PLPPR5: variants seen among roughly 807,000 people sequenced by gnomAD.
PLPPR5 encodes the protein phospholipid phosphatase-related protein type 5.
A neutral mutation model predicts 33.9 loss-of-function variants in PLPPR5; 16 were observed. The ratio of observed to expected loss-of-function variants is 0.47; its 90% CI spans 0.32 to 0.72. The LOEUF (loss-of-function observed/expected upper bound fraction) is 0.72. Ranked by LOEUF, PLPPR5 falls within the 30% of genes least tolerant of loss-of-function variation. The pLI is 0.03. For missense variants in PLPPR5, 301 were observed against 406.7 expected (o/e 0.74, Z 2.23); for synonymous variants, 163 against 150.3 (o/e 1.08, Z -0.62).
chr1:98,943,706 GA>G (rs1650459327), intron 3 of PLPPR5, among the ~76,000 whole-genome samples: 1 of 152,192 alleles, frequency 6.6e-6, no homozygotes, highest in Non-Finnish European at 1.5e-5. Flanking sequence ...TTATTGAAGG[GA>G]GGATAGTGAA....
At chr1:98,986,008 T>C (rs1652248403) in intron 1 of PLPPR5, among the ~76,000 whole-genome samples, 2 of 152,102 alleles carry the variant, frequency 1.3e-5, no homozygotes, top group African/African-American at 4.8e-5. Flanking sequence ...TGAAGTATAA[T>C]TGTTAAGAAT....
chr1:98,964,127 G>A (rs1651350910), intron 1 of PLPPR5, among the ~76,000 whole-genome samples: 1 of 152,196 alleles, frequency 6.6e-6, no homozygotes. Context: ...TCCCCGCTGG[G>A]AGTGGAAAAT....
intron 3 of PLPPR5, 53 bp from the exon 4 acceptor site, chr1:98,922,111 G>A: frequency 4.6e-6 from 7 of 1,514,674 alleles, no homozygotes; most frequent in Non-Finnish European, 6.4e-6. Context: ...TCCTTTATTA[G>A]CATAGCATAT....
At chr1:98,960,931 C>T (rs1026928733) in intron 1 of PLPPR5, among the ~76,000 whole-genome samples, 1 of 152,186 alleles carries the variant, frequency 6.6e-6, no homozygotes, top group African/African-American at 2.4e-5. Context: ...TGAACCTAAT[C>T]TTCTGAAACA....
At chr1:98,953,426 A>G in intron 2 of PLPPR5, 106 bp from the exon 3 acceptor site, 1 of 1,434,660 alleles carries the variant, frequency 7.0e-7, no homozygotes, top group Non-Finnish European at 9.3e-7. Context: ...CAAAATGGAA[A>G]TATTTTAGAA....
intron 3 of PLPPR5, among the ~76,000 whole-genome samples, chr1:98,923,672 G>A (rs532793346): frequency 6.6e-6 from 1 of 152,260 alleles, no homozygotes; most frequent in African/African-American, 2.4e-5. Context: ...GGGGCAGGGG[G>A]AGCTGAACTG....
At chr1:98,930,836 AT>A (rs1458436963) in intron 3 of PLPPR5, among the ~76,000 whole-genome samples, 2 of 151,936 alleles carry the variant, frequency 1.3e-5, no homozygotes, top group African/African-American at 2.4e-5. Flanking sequence ...AACTCCTTTA[AT>A]TTTCATTCAA....
intron 1 of PLPPR5, among the ~76,000 whole-genome samples, chr1:98,971,463 T>C (rs1651657732): frequency 1.3e-5 from 2 of 152,044 alleles, no homozygotes; most frequent in African/African-American, 4.8e-5. Flanking sequence ...TTTTATCTGA[T>C]TTCCCCTCCC....
At chr1:98,948,824 A>G (rs1401971478) in intron 3 of PLPPR5, among the ~76,000 whole-genome samples, 1 of 152,152 alleles carries the variant, frequency 6.6e-6, no homozygotes, top group African/African-American at 2.4e-5. Flanking sequence ...CTAGCAGGAA[A>G]ACTGCAAGTC....
In PLPPR5 at chr1:98,892,752, T is replaced by G. The variant is rs1156663183; in HGVS notation, c.*320A>C. On this transcript the variant is annotated 3_prime_UTR_variant, in exon 6 of 6. Transcript: ENST00000263177. The stretch of plus-strand genomic sequence containing the variant: ...TATGTAGAGATTTCTTTTAACATAA[T>G]TGCAATGATTCTGTGAGAAACTAAA... 4.0e-6 allele frequency: 1 copy of G among 250,890 alleles called. No individual in the cohort carries two copies. Among genetic ancestry groups the G allele is most frequent in the African/African-American group, 2.3e-5 (1 of 43,936 alleles). 15.5% of individuals were successfully genotyped at this position (250,890 alleles called of 1,614,324 possible).
At chr1:98,988,421 G>A (rs1357792211) in intron 1 of PLPPR5, among the ~76,000 whole-genome samples, 2 of 152,016 alleles carry the variant, frequency 1.3e-5, no homozygotes, top group Non-Finnish European at 2.9e-5. Flanking sequence ...TACTATACCT[G>A]TTATTAGGTT....
intron 1 of PLPPR5, among the ~76,000 whole-genome samples, chr1:98,974,230 T>C (rs1248124351): frequency 6.6e-6 from 1 of 151,940 alleles, no homozygotes; most frequent in East Asian, 1.9e-4. Flanking sequence ...GGGACAGACT[T>C]TCAAGACAGG....
intron 3 of PLPPR5, among the ~76,000 whole-genome samples, chr1:98,925,030 G>C (rs1338527552): frequency 1.3e-5 from 2 of 152,152 alleles, no homozygotes; most frequent in Non-Finnish European, 2.9e-5. Flanking sequence ...GCTTTCACTT[G>C]TACTCAGCAA....
chr1:98,929,753 C>A (rs72730328), intron 3 of PLPPR5, among the ~76,000 whole-genome samples: 26,371 of 152,132 alleles, frequency 0.17, 2,545 homozygotes, highest in Non-Finnish European at 0.22. Flanking sequence ...ATGACTCCCC[C>A]CTGACCCAAT....
chr1:98,979,859 G>A (rs1651994126), intron 1 of PLPPR5, among the ~76,000 whole-genome samples: 1 of 151,964 alleles, frequency 6.6e-6, no homozygotes, highest in Non-Finnish European at 1.5e-5. Flanking sequence ...GCTTCTTCCA[G>A]ACTGCCATGC....
chr1:98,904,261 CTTT>C (rs1050471002), intron 5 of PLPPR5, among the ~76,000 whole-genome samples: 5 of 117,350 alleles, frequency 4.3e-5, no homozygotes, highest in African/African-American at 1.6e-4. Context: ...ATTACTTTCC[CTTT>C]TTTTTTTTTT....
At chr1:98,979,602 T>C (rs1651985168) in intron 1 of PLPPR5, among the ~76,000 whole-genome samples, 1 of 152,034 alleles carries the variant, frequency 6.6e-6, no homozygotes. Context: ...TTACCTCACA[T>C]CTGTTGCTCA....
intron 5 of PLPPR5, among the ~76,000 whole-genome samples, 194 bp downstream of exon 5, chr1:98,914,592 G>A (rs1016174233): frequency 6.6e-6 from 1 of 152,064 alleles, no homozygotes; most frequent in Non-Finnish European, 1.5e-5. Flanking sequence ...CATTGTGACC[G>A]GCCTACAAAC....
chr1:99,004,697 C>T lies in PLPPR5; in HGVS notation c.-26G>A. On this transcript the variant is annotated 5_prime_UTR_variant, in exon 1 of 6. Coordinates refer to ENST00000263177, the MANE Select transcript of PLPPR5 (RefSeq NM_001037317.2). The stretch of plus-strand genomic sequence containing the variant: ...GCACGCCTCCCGGGCCGGGCCGAGC[C>T]GAGCCGAGCGGGCGGTCGACGCGGT... 2 of 1,476,744 alleles carry T rather than the reference C, an allele frequency of 1.4e-6. 1 individual carries two copies. Among genetic ancestry groups the T allele is most frequent in the South Asian group, 2.7e-5 (2 of 72,880 alleles). The allele number at this position is 1,476,744 out of a possible 1,614,324, so 91.5% of individuals were successfully genotyped here. A position where few individuals can be genotyped will look rare whatever the true frequency, so the allele number is the denominator to read the frequency against.
Sources: gnomAD v4.1 joint callset for allele counts (sites outside exome capture counted in the v4.1 genomes callset) on GRCh38, gnomAD v4.1.1 for gene constraint, MANE v1.5 for transcripts, NCBI Gene and HGNC (gene_info 2026-07-23, HGNC 2026-07-21) for gene names.